The following IQGAP1 variants were observed in gnomAD, a reference collection of about 807,000 sequenced individuals.
The protein encoded by IQGAP1 is IQ motif containing GTPase activating protein 1.
A neutral mutation model predicts 215.6 loss-of-function variants in IQGAP1; 66 were observed. That is an observed-to-expected ratio of 0.31 (90% confidence interval 0.25 to 0.38). The LOEUF is 0.38. IQGAP1 is among the 10% of genes least tolerant of loss of function. IQGAP1 has a pLI of 1.00. For missense variants in IQGAP1, 1,712 were observed against 1,997.1 expected, an observed-to-expected ratio of 0.86 and a Z score of 2.72; for synonymous variants, 772 against 728.7, an observed-to-expected ratio of 1.06 and a Z score of -0.96.
chr15:90,459,614 GAA>G (rs1196256771), intron 15 of IQGAP1, among the ~76,000 whole-genome samples: 1 of 152,194 alleles, frequency 6.6e-6, no homozygotes, highest in African/African-American at 2.4e-5. Flanking sequence ...GGAGTTAAAG[GAA>G]AAATTGCTTA....
At chr15:90,415,747 C>G (rs1965038405) in intron 2 of IQGAP1, among the ~76,000 whole-genome samples, 1 of 152,180 alleles carries the variant, frequency 6.6e-6, no homozygotes, top group South Asian at 2.1e-4. Context: ...CCACCATTGT[C>G]CCAGTTAAAG....
At chr15:90,481,794 A>C (rs1296976806) in intron 26 of IQGAP1, among the ~76,000 whole-genome samples, 166 bp from the exon 27 acceptor site, 1 of 152,244 alleles carries the variant, frequency 6.6e-6, no homozygotes, top group Non-Finnish European at 1.5e-5. Context: ...TTCACAGTTA[A>C]AAACCTGCGT....
chr15:90,456,234 A>T lies in IQGAP1; in HGVS notation c.1695A>T (p.Ala565=), dbSNP rs1350197006. Residue 565 remains alanine (A), a synonymous_variant, in exon 15 of 38, where the codon GCA becomes GCT. Coordinates refer to ENST00000268182, the MANE Select transcript of IQGAP1 (RefSeq NM_003870.4). ...CTCTGCAGGCCCTACAGATTCCTGC[A>T]GCTAAACTTGAGGGAGTCCTTGCAG... ...QKTLQALQIP[A]AKLEGVLAEV... 5.0e-6 allele frequency: 8 copies of T among 1,614,054 alleles called. No individual in the cohort carries two copies. The highest frequency in any genetic ancestry group is 6.8e-6 in the Non-Finnish European group (8 of 1,180,022).
At chr15:90,395,779 T>G (rs1022128018) in intron 2 of IQGAP1, among the ~76,000 whole-genome samples, 3 of 152,170 alleles carry the variant, frequency 2.0e-5, no homozygotes. Flanking sequence ...AGAGAACGTG[T>G]CAGGCAGGAC....
At chr15:90,481,865 T>A in intron 26 of IQGAP1, 95 bp from the exon 27 acceptor site, 1 of 1,304,002 alleles carries the variant, frequency 7.7e-7, no homozygotes, top group East Asian at 2.3e-5. Context: ...ATCTAATATT[T>A]CTGGGTCTTA....
chr15:90,425,181 A>G (rs905929322), intron 2 of IQGAP1, among the ~76,000 whole-genome samples: 1 of 152,054 alleles, frequency 6.6e-6, no homozygotes, highest in African/African-American at 2.4e-5. Flanking sequence ...ATGGTGGTGC[A>G]TGCCTGGAGT....
intron 2 of IQGAP1, chr15:90,391,908 G>C (rs1964641278): frequency 6.6e-6 from 1 of 152,182 alleles, no homozygotes; most frequent in South Asian, 2.1e-4. Flanking sequence ...TTAATAAAAA[G>C]GGTGTTTGAA....
chr15:90,411,268 T>A (rs1162236729), intron 2 of IQGAP1, among the ~76,000 whole-genome samples: 1 of 150,214 alleles, frequency 6.7e-6, no homozygotes, highest in Non-Finnish European at 1.5e-5. Context: ...TCTTTCTTTC[T>A]TTCTTTTCTT....
intron 2 of IQGAP1, among the ~76,000 whole-genome samples, chr15:90,409,333 C>G (rs2601199): frequency 0.57 from 84,722 of 149,838 alleles, 25,465 homozygotes; most frequent in East Asian, 0.83. Flanking sequence ...CACCTCCCGG[C>G]TTCAAGCGAT....
At chr15:90,429,143 G>A (rs567899560) in intron 3 of IQGAP1, among the ~76,000 whole-genome samples, 16 of 152,260 alleles carry the variant, frequency 1.1e-4, no homozygotes, top group African/African-American at 2.4e-4. Flanking sequence ...ATGAGCCACC[G>A]TCCCAGCGTG....
chr15:90,482,539 A>G (rs982250792), intron 28 of IQGAP1, among the ~76,000 whole-genome samples: 6 of 152,212 alleles, frequency 3.9e-5, no homozygotes, highest in African/African-American at 1.2e-4. Flanking sequence ...TTTGAGTCCT[A>G]TCTTTTCGCT....
chr15:90,447,827 G>C (rs1965546233), intron 9 of IQGAP1, among the ~76,000 whole-genome samples: 1 of 152,034 alleles, frequency 6.6e-6, no homozygotes, highest in South Asian at 2.1e-4. Flanking sequence ...TTCAGATGAA[G>C]GAACATCTGG....
At chr15:90,445,012 A>T (rs549632645) in intron 9 of IQGAP1, among the ~76,000 whole-genome samples, 1 of 152,134 alleles carries the variant, frequency 6.6e-6, no homozygotes, top group Non-Finnish European at 1.5e-5. Context: ...AGTCCCAGCT[A>T]CTTGGGGGCT....
At position 90,486,215 on chromosome 15, in the gene IQGAP1, A is replaced by C. The variant is rs577628814; in HGVS notation, c.4024+83A>C. ...AATTGTCACCTCCTCTATTTTTTGC[A>C]CTATACCAAACTCTGGATATACATT... is the stretch of plus-strand genomic sequence containing the variant. On this transcript the variant is annotated intron_variant, in intron 31 of 37. Transcript: ENST00000268182. 106 of 811,010 alleles carry C rather than the reference A, an allele frequency of 1.3e-4. 1 individual carries two copies. In the South Asian group the frequency reaches 1.4e-3, roughly 11 times the overall value. 50.2% of individuals were successfully genotyped at this position (811,010 alleles called of 1,614,324 possible). A position where few individuals can be genotyped will look rare whatever the true frequency, so the allele number is the denominator to read the frequency against.
intron 15 of IQGAP1, among the ~76,000 whole-genome samples, chr15:90,460,081 G>C (rs1249014165): frequency 6.6e-6 from 1 of 152,022 alleles, no homozygotes; most frequent in Non-Finnish European, 1.5e-5. Context: ...TCCCGATGCA[G>C]ACCCCAAGAG....
rs1567130429 is a variant in IQGAP1 at position 90,450,363 on chromosome 15, T to TAA, written c.1162+721_1162+722insAA. On this transcript the variant is annotated intron_variant, in intron 11 of 37. Transcript: ENST00000268182. Reference sequence around the variant, plus strand: ...TTTTTTTTTTTTTTTTTTTTTTTTTTACCATTTATTCATTGATGGACGCTT... The same window carrying TAA: ...TTTTTTTTTTTTTTTTTTTTTTTTTTAAACCATTTATTCATTGATGGACGCTT... Among the ~76,000 whole-genome samples, 36 of 118,900 alleles carry TAA rather than the reference T, an allele frequency of 3.0e-4. 3 individuals are homozygous for TAA. In the South Asian group the frequency reaches 9.4e-3, roughly 31 times the overall value. The allele number at this position is 118,900 out of a possible 152,430, so 78.0% of individuals were successfully genotyped here.
intron 26 of IQGAP1, 73 bp from the exon 27 acceptor site, chr15:90,481,887 A>G: frequency 1.3e-6 from 2 of 1,500,134 alleles, no homozygotes; most frequent in East Asian, 2.3e-5. Context: ...AGTTTATGAA[A>G]GATAAGACAC....
chr15:90,474,765 A>G, intron 23 of IQGAP1, 72 bp downstream of exon 23: 1 of 1,177,946 alleles, frequency 8.5e-7, no homozygotes, highest in Non-Finnish European at 1.3e-6. Context: ...CCCCTTTCTG[A>G]CTGGTGGGGA....
At chr15:90,494,380 C>A in intron 35 of IQGAP1, 1 of 171,868 alleles carries the variant, frequency 5.8e-6, no homozygotes, top group South Asian at 1.5e-4. Context: ...GATTCAGTAC[C>A]ATTCCCTCAG....
Sources: allele counts gnomAD v4.1 joint callset (sites outside exome capture counted in the v4.1 genomes callset), GRCh38; gene constraint gnomAD v4.1.1; transcripts MANE v1.5; gene names NCBI Gene and HGNC (gene_info 2026-07-23, HGNC 2026-07-21).